PAG1: variants seen among roughly 807,000 people sequenced by gnomAD.
The protein encoded by PAG1 is phosphoprotein membrane anchor with glycosphingolipid microdomains 1, also known as phosphoprotein associated with glycosphingolipid-enriched microdomains 1.
Under a neutral mutation model 31.7 loss-of-function variants are expected in PAG1, and 23 were observed. That is an observed-to-expected ratio of 0.73 (90% CI 0.52 to 1.03). The LOEUF is 1.03. Ranked by LOEUF, PAG1 falls within the 50% of genes least tolerant of loss-of-function variation. The pLI, the probability that PAG1 is intolerant of heterozygous loss-of-function variation, is 0.00. For synonymous variants in PAG1, 214 were observed against 210.3 expected (o/e 1.02, Z -0.15); for missense variants, 473 against 540.7 (o/e 0.87, Z 1.24).
chr8:81,072,398 C>T (rs1366963183), intron 1 of PAG1, among the ~76,000 whole-genome samples: 2 of 152,216 alleles, frequency 1.3e-5, no homozygotes, highest in African/African-American at 4.8e-5. Flanking sequence ...ACATTTGGGG[C>T]TGGAGAATTC....
chr8:81,053,856 T>C (rs1366900553), intron 2 of PAG1, among the ~76,000 whole-genome samples: 1 of 152,090 alleles, frequency 6.6e-6, no homozygotes, highest in Non-Finnish European at 1.5e-5. Context: ...ATGAGAAAGG[T>C]TGAAAGTAGT....
At chr8:81,039,217 T>C (rs190052073) in intron 2 of PAG1, among the ~76,000 whole-genome samples, 1 of 152,198 alleles carries the variant, frequency 6.6e-6, no homozygotes, top group Non-Finnish European at 1.5e-5. Flanking sequence ...CCAAAATTCA[T>C]GTCTCTAAGT....
At chr8:81,100,209 T>C (rs542100063) in intron 1 of PAG1, among the ~76,000 whole-genome samples, 12 of 152,344 alleles carry the variant, frequency 7.9e-5, no homozygotes, top group African/African-American at 2.9e-4. Context: ...ACTAATCATT[T>C]TGGCAAAGAC....
At chr8:81,068,375 G>C (rs533687910) in intron 2 of PAG1, among the ~76,000 whole-genome samples, 16 of 152,292 alleles carry the variant, frequency 1.1e-4, no homozygotes, top group African/African-American at 3.9e-4. Context: ...GATACTGTCT[G>C]AATCTACTTC....
intron 2 of PAG1, among the ~76,000 whole-genome samples, chr8:81,053,127 G>A (rs549424026): frequency 1.3e-5 from 2 of 152,114 alleles, no homozygotes; most frequent in African/African-American, 2.4e-5. Flanking sequence ...ATATTGATAA[G>A]AATGAACATG....
At chr8:81,089,193 T>A (rs944764183) in intron 1 of PAG1, among the ~76,000 whole-genome samples, 1 of 152,208 alleles carries the variant, frequency 6.6e-6, no homozygotes, top group Non-Finnish European at 1.5e-5. Context: ...TTCAGTCACT[T>A]CTACTTGGTG....
At chr8:80,996,967 C>T (rs954510908) in intron 3 of PAG1, among the ~76,000 whole-genome samples, 1 of 150,630 alleles carries the variant, frequency 6.6e-6, no homozygotes, top group African/African-American at 2.5e-5. Context: ...AGACTCTACA[C>T]TGTGCCACCC....
intron 2 of PAG1, among the ~76,000 whole-genome samples, chr8:81,042,887 G>A (rs1321046066): frequency 2.0e-5 from 3 of 152,094 alleles, no homozygotes; most frequent in Non-Finnish European, 4.4e-5. Context: ...TTCTGGGAAT[G>A]ACATTAATTT....
chr8:80,978,712 CAGAGGGTCTCACTGT>C (rs1807235125), intron 8 of PAG1, among the ~76,000 whole-genome samples: 1 of 152,204 alleles, frequency 6.6e-6, no homozygotes, highest in Non-Finnish European at 1.5e-5. Context: ...ACCTAGTGTG[CAGAGGGTCTCACTGT>C]ACATTTCAAC....
chr8:81,099,373 G>T (rs1186368166), intron 1 of PAG1, among the ~76,000 whole-genome samples: 2 of 152,132 alleles, frequency 1.3e-5, no homozygotes, highest in East Asian at 1.9e-4. Flanking sequence ...AGTAGAGGGG[G>T]TGACCACCAT....
At chr8:81,072,838 T>C (rs1809116676) in intron 1 of PAG1, among the ~76,000 whole-genome samples, 1 of 152,222 alleles carries the variant, frequency 6.6e-6, no homozygotes, top group Admixed American at 6.5e-5. Flanking sequence ...GCACCTGTTG[T>C]ATTCTCAGCC....
In PAG1 at chr8:81,006,443, C is replaced by T. The variant is rs57594464; in HGVS notation, c.-80-13136G>A. On this transcript the variant is annotated intron_variant, in intron 3 of 8. Coordinates refer to ENST00000220597, the MANE Select transcript of PAG1 (RefSeq NM_018440.4). ...CTTTCCATCTCACTGGTTCTGTAGACAAGCCTCACTGTGTTCCTGGTTCAT... is the reference window on the plus strand; with the variant it reads ...CTTTCCATCTCACTGGTTCTGTAGATAAGCCTCACTGTGTTCCTGGTTCAT... Among the ~76,000 whole-genome samples the T allele has an allele frequency of 4.2e-3, 644 of 152,256 alleles. 5 individuals are homozygous for T. Among genetic ancestry groups the T allele is most frequent in the African/African-American group, 0.014 (598 of 41,536 alleles).
At chr8:81,082,493 A>G (rs747650719) in intron 1 of PAG1, among the ~76,000 whole-genome samples, 5 of 152,084 alleles carry the variant, frequency 3.3e-5, no homozygotes, top group Non-Finnish European at 7.4e-5. Flanking sequence ...ATGATTGCTC[A>G]AGTACTTTTC....
chr8:81,105,623 A>G (rs148713815), intron 1 of PAG1, among the ~76,000 whole-genome samples: 4 of 152,350 alleles, frequency 2.6e-5, no homozygotes, highest in Admixed American at 2.6e-4. Context: ...TTGACTTAGA[A>G]CATGAGCTCC....
At chr8:81,025,776 G>A (rs753944460) in intron 3 of PAG1, among the ~76,000 whole-genome samples, 28 of 152,302 alleles carry the variant, frequency 1.8e-4, no homozygotes, top group Non-Finnish European at 4.0e-4. Flanking sequence ...GGATTAGTCC[G>A]CACCCACTTT....
chr8:81,010,650 G>A (rs987187980), intron 3 of PAG1, among the ~76,000 whole-genome samples: 1 of 152,162 alleles, frequency 6.6e-6, no homozygotes, highest in Non-Finnish European at 1.5e-5. Context: ...ACATTATTAT[G>A]ACAATAACTT....
intron 1 of PAG1, among the ~76,000 whole-genome samples, chr8:81,080,102 C>T (rs756992651): frequency 6.6e-6 from 1 of 152,062 alleles, no homozygotes; most frequent in Admixed American, 6.6e-5. Flanking sequence ...CATTGAATCT[C>T]CGCAAAACTA....
intron 3 of PAG1, among the ~76,000 whole-genome samples, chr8:81,007,490 A>T (rs1807904640): frequency 6.7e-6 from 1 of 148,968 alleles, no homozygotes. Context: ...AAAAAATAGT[A>T]GACGGGTGTG....
intron 2 of PAG1, among the ~76,000 whole-genome samples, chr8:81,045,101 G>T (rs1318222183): frequency 6.6e-6 from 1 of 152,138 alleles, no homozygotes; most frequent in Non-Finnish European, 1.5e-5. Context: ...TGTCCAAAGT[G>T]GGATTTCGCT....
Sources: allele counts gnomAD v4.1 joint callset (sites outside exome capture counted in the v4.1 genomes callset), GRCh38; gene constraint gnomAD v4.1.1; transcripts MANE v1.5; gene names NCBI Gene and HGNC (gene_info 2026-07-23, HGNC 2026-07-21).